Variants in CFAP299 observed in about 807,000 individuals in gnomAD.
CFAP299 encodes the protein cilia- and flagella-associated protein 299.
CFAP299 carries 21 observed loss-of-function variants against 27.0 expected under a neutral mutation model. The ratio of observed to expected loss-of-function variants is 0.78; its 90% CI spans 0.55 to 1.12. The LOEUF (loss-of-function observed/expected upper bound fraction) is 1.12, where lower values mean the gene tolerates loss of function less well. Ranked by LOEUF, CFAP299 falls within the 50% of genes most tolerant of loss-of-function variation. The pLI, the probability that CFAP299 is intolerant of heterozygous loss-of-function variation, is 0.00. For synonymous variants in CFAP299, 104 were observed against 98.1 expected (o/e 1.06, Z -0.36); for missense variants, 310 against 276.6 (o/e 1.12, Z -0.86).
intron 3 of CFAP299, among the ~76,000 whole-genome samples, chr4:80,693,673 C>CT (rs1270281663): frequency 6.6e-6 from 1 of 150,840 alleles, no homozygotes; most frequent in Non-Finnish European, 1.5e-5. Flanking sequence ...CACATGTACC[C>CT]TAAAACTTAA....
chr4:80,876,512 A>C (rs553713026), intron 4 of CFAP299, among the ~76,000 whole-genome samples: 2 of 152,202 alleles, frequency 1.3e-5, no homozygotes, highest in Non-Finnish European at 2.9e-5. Context: ...TAAGTTAATT[A>C]GACCTCTTTT....
At chr4:80,776,192 C>G (rs1560745730) in intron 3 of CFAP299, among the ~76,000 whole-genome samples, 4 of 152,080 alleles carry the variant, frequency 2.6e-5, no homozygotes, top group African/African-American at 7.2e-5. Flanking sequence ...CAGGAGCATA[C>G]AAGTATATCA....
At chr4:80,836,084 C>T (rs1730546176) in intron 3 of CFAP299, among the ~76,000 whole-genome samples, 1 of 152,110 alleles carries the variant, frequency 6.6e-6, no homozygotes, top group African/African-American at 2.4e-5. Flanking sequence ...AATTACTAGG[C>T]CTACTTGCTT....
intron 3 of CFAP299, among the ~76,000 whole-genome samples, chr4:80,738,896 T>G (rs1045995420): frequency 7.2e-5 from 11 of 152,032 alleles, no homozygotes; most frequent in Non-Finnish European, 1.3e-4. Context: ...TTTAATTTTT[T>G]TGTGTGTGTA....
chr4:80,546,951 T>A (rs1006243154), intron 2 of CFAP299, among the ~76,000 whole-genome samples: 2 of 152,208 alleles, frequency 1.3e-5, no homozygotes, highest in Admixed American at 6.6e-5. Flanking sequence ...ATGGCCATAT[T>A]GTCTGGAGCA....
intron 3 of CFAP299, among the ~76,000 whole-genome samples, chr4:80,776,118 A>G (rs769541934): frequency 6.6e-6 from 1 of 152,148 alleles, no homozygotes; most frequent in African/African-American, 2.4e-5. Flanking sequence ...GAAATGCTGC[A>G]AGGTAATAGA....
chr4:80,737,737 C>CA (rs1225169303), intron 3 of CFAP299, among the ~76,000 whole-genome samples: 2 of 145,808 alleles, frequency 1.4e-5, no homozygotes, highest in Non-Finnish European at 3.0e-5. Flanking sequence ...TTTAAACAAA[C>CA]AAAAAAAGAA....
intron 3 of CFAP299, among the ~76,000 whole-genome samples, chr4:80,683,496 GAAA>G (rs1268210297): frequency 3.9e-5 from 6 of 152,212 alleles, no homozygotes; most frequent in African/African-American, 1.2e-4. Flanking sequence ...AGTATACCTG[GAAA>G]ATATCTATCT....
At chr4:80,354,603 A>G (rs562200506) in intron 1 of CFAP299, among the ~76,000 whole-genome samples, 1 of 152,216 alleles carries the variant, frequency 6.6e-6, no homozygotes, top group East Asian at 1.9e-4. Context: ...TTTGTTGTAC[A>G]GATTATTTCT....
chr4:80,379,738 C>A (rs1724598225), intron 2 of CFAP299, among the ~76,000 whole-genome samples: 1 of 151,730 alleles, frequency 6.6e-6, no homozygotes, highest in Non-Finnish European at 1.5e-5. Flanking sequence ...TAGTTAAATT[C>A]TATTATGGAA....
intron 2 of CFAP299, among the ~76,000 whole-genome samples, chr4:80,522,173 T>G (rs1732953048): frequency 6.6e-6 from 1 of 151,962 alleles, no homozygotes; most frequent in Admixed American, 6.6e-5. Context: ...TTTTCTTTAT[T>G]TATTTTAAAT....
chr4:80,412,227 C>T lies in CFAP299; in HGVS notation c.242+49343C>T, dbSNP rs1726755265. Among the ~76,000 whole-genome samples the T allele has an allele frequency of 4.0e-5, 6 of 151,068 alleles. No individual in the cohort carries two copies. In the South Asian group the frequency reaches 1.2e-3, roughly 31 times the overall value. On this transcript the variant is annotated intron_variant, in intron 2 of 5. Coordinates refer to ENST00000358105, the MANE Select transcript of CFAP299 (RefSeq NM_152770.3). ...CGGTCATCATTTTAACTATCCCAAG[C>T]TTCTGCACTTCATTTCTGATCAATA...
At chr4:80,868,599 A>C (rs1431475099) in intron 3 of CFAP299, among the ~76,000 whole-genome samples, 1 of 152,114 alleles carries the variant, frequency 6.6e-6, no homozygotes, top group East Asian at 1.9e-4. Flanking sequence ...AGGTTGGGCA[A>C]ATGCTTTCAG....
intron 3 of CFAP299, among the ~76,000 whole-genome samples, chr4:80,822,706 A>T (rs1446668146): frequency 6.6e-6 from 1 of 152,154 alleles, no homozygotes; most frequent in Non-Finnish European, 1.5e-5. Context: ...GTAACCAAGG[A>T]CCCCGTAAGA....
At chr4:80,770,444 C>G (rs1203142860) in intron 3 of CFAP299, among the ~76,000 whole-genome samples, 1 of 152,042 alleles carries the variant, frequency 6.6e-6, no homozygotes, top group African/African-American at 2.4e-5. Context: ...GTGTTTTCTA[C>G]ATAACTGCAG....
chr4:80,682,209 A>C (rs1719885591), intron 3 of CFAP299, among the ~76,000 whole-genome samples: 1 of 152,174 alleles, frequency 6.6e-6, no homozygotes, highest in Non-Finnish European at 1.5e-5. Context: ...GGTAATTCAA[A>C]TTCATGCTCA....
upstream of CFAP299, among the ~76,000 whole-genome samples, chr4:80,335,115 C>G (rs922940572): frequency 1.3e-5 from 2 of 152,108 alleles, no homozygotes; most frequent in African/African-American, 4.8e-5. Context: ...ATATTTTATT[C>G]TTTAAAAAGG....
intron 3 of CFAP299, among the ~76,000 whole-genome samples, chr4:80,803,362 A>G (rs1728707951): frequency 6.6e-6 from 1 of 152,156 alleles, no homozygotes; most frequent in Non-Finnish European, 1.5e-5. Context: ...ATTTTGAAAC[A>G]TTATTAGGAT....
chr4:80,531,868 C>T lies in CFAP299; in HGVS notation c.243-51225C>T, dbSNP rs190088211. Among the ~76,000 whole-genome samples, 5 of 149,968 alleles carry T rather than the reference C, an allele frequency of 3.3e-5. No individual in the cohort carries two copies. In the Admixed American group the frequency reaches 3.4e-4, roughly 10 times the overall value. ...CCCTGGATTCAAGCAATTCTCCTGT[C>T]TCAGCCTCCCAAGTAGCTGGGATTA... On this transcript the variant is annotated intron_variant, in intron 2 of 5. Coordinates refer to ENST00000358105, the MANE Select transcript of CFAP299 (RefSeq NM_152770.3).
Sources: gnomAD v4.1 joint callset for allele counts (sites outside exome capture counted in the v4.1 genomes callset) on GRCh38, gnomAD v4.1.1 for gene constraint, MANE v1.5 for transcripts, NCBI Gene and HGNC (gene_info 2026-07-23, HGNC 2026-07-21) for gene names.